KCNIP4: variants seen among roughly 807,000 people sequenced by gnomAD.
KCNIP4 encodes the protein potassium voltage-gated channel interacting protein 4.
Under a neutral mutation model 34.0 loss-of-function variants are expected in KCNIP4, and 12 were observed. The ratio of observed to expected loss-of-function variants is 0.35; its 90% CI spans 0.23 to 0.57. KCNIP4 has a LOEUF of 0.57. Ranked by LOEUF, KCNIP4 falls within the 20% of genes least tolerant of loss-of-function variation. The pLI is 0.83. For synonymous variants in KCNIP4, 124 were observed against 102.2 expected (o/e 1.21, Z -1.29); for missense variants, 238 against 311.7 (o/e 0.76, Z 1.78).
intron 1 of KCNIP4, among the ~76,000 whole-genome samples, chr4:21,401,485 C>T (rs1723555312): frequency 6.6e-6 from 1 of 152,162 alleles, no homozygotes; most frequent in Non-Finnish European, 1.5e-5. Context: ...GTTCAGAAAA[C>T]TCAGCAGCAA....
At chr4:21,571,307 T>A (rs947577270) in intron 1 of KCNIP4, among the ~76,000 whole-genome samples, 1 of 152,134 alleles carries the variant, frequency 6.6e-6, no homozygotes, top group African/African-American at 2.4e-5. Context: ...AGAGGGCGCA[T>A]CTGGGTGAGA....
chr4:21,131,256 G>A (rs1015646909), intron 1 of KCNIP4, among the ~76,000 whole-genome samples: 1 of 152,148 alleles, frequency 6.6e-6, no homozygotes, highest in Non-Finnish European at 1.5e-5. Flanking sequence ...CAATGATGTA[G>A]ATGAATAATA....
chr4:21,178,488 T>TGCTTC lies in KCNIP4; in HGVS notation c.62-295780_62-295779insGAAGC, dbSNP rs2109315597. ...TAGTGGATTCACAGACCTCAGTTTA[T>TGCTTC]TTCCAGGTATAGTAACCATGTGTCC... On this transcript the variant is annotated intron_variant, in intron 1 of 8. Transcript: ENST00000382152. 2.8e-3 allele frequency among the ~76,000 whole-genome samples: 422 copies of TGCTTC among 151,672 alleles called. 3 individuals carry two copies. The highest frequency in any genetic ancestry group is 9.6e-3 in the African/African-American group (395 of 40,968).
intron 1 of KCNIP4, among the ~76,000 whole-genome samples, chr4:20,883,986 G>A (rs1358820049): frequency 6.6e-6 from 1 of 152,112 alleles, no homozygotes; most frequent in Admixed American, 6.5e-5. Context: ...TGCTTTCTGG[G>A]CCATCCACTA....
At chr4:21,183,789 G>C (rs1755019063) in intron 1 of KCNIP4, among the ~76,000 whole-genome samples, 1 of 151,934 alleles carries the variant, frequency 6.6e-6, no homozygotes. Flanking sequence ...GGAACTTGCT[G>C]TTCCTTCTAC....
At chr4:21,792,000 C>CAAA (rs71193407) in intron 1 of KCNIP4, among the ~76,000 whole-genome samples, 7 of 59,752 alleles carry the variant, frequency 1.2e-4, no homozygotes, top group African/African-American at 5.3e-4. Context: ...GACTCCGTCT[C>CAAA]AAAAAAAAAA....
chr4:20,919,339 C>T (rs375871826), intron 1 of KCNIP4, among the ~76,000 whole-genome samples: 27 of 151,956 alleles, frequency 1.8e-4, no homozygotes, highest in African/African-American at 5.6e-4. Context: ...AGTCCTTGCT[C>T]GGCTGCCTTT....
chr4:21,372,271 A>C (rs1441829504), intron 1 of KCNIP4, among the ~76,000 whole-genome samples: 1 of 146,946 alleles, frequency 6.8e-6, no homozygotes, highest in Non-Finnish European at 1.5e-5. Flanking sequence ...ATTTATCTGA[A>C]AATTCCATTT....
intron 1 of KCNIP4, among the ~76,000 whole-genome samples, chr4:21,834,926 C>G (rs1293876670): frequency 6.6e-6 from 1 of 152,128 alleles, no homozygotes; most frequent in Non-Finnish European, 1.5e-5. Context: ...ACCAGCCTTG[C>G]ATCCCAGGGA....
chr4:21,404,619 G>A (rs916076403), intron 1 of KCNIP4, among the ~76,000 whole-genome samples: 1 of 152,018 alleles, frequency 6.6e-6, no homozygotes, highest in Non-Finnish European at 1.5e-5. Context: ...AATCTTCAAT[G>A]ATTTATTCAA....
At chr4:21,735,332 G>C (rs1017153958) in intron 1 of KCNIP4, among the ~76,000 whole-genome samples, 3 of 151,872 alleles carry the variant, frequency 2.0e-5, no homozygotes, top group African/African-American at 7.3e-5. Context: ...AAATTAAATT[G>C]GATGAAGTTA....
intron 1 of KCNIP4, among the ~76,000 whole-genome samples, chr4:21,062,508 T>A (rs1464226483): frequency 2.7e-5 from 4 of 149,840 alleles, no homozygotes; most frequent in Non-Finnish European, 5.9e-5. Flanking sequence ...ACAGAACCAA[T>A]CATATATGTA....
At chr4:21,216,584 T>C (rs574598509) in intron 1 of KCNIP4, among the ~76,000 whole-genome samples, 1 of 152,298 alleles carries the variant, frequency 6.6e-6, no homozygotes, top group South Asian at 2.1e-4. Context: ...AGAAAATTGA[T>C]AATCAGAATA....
At chr4:21,096,703 A>T (rs1747485358) in intron 1 of KCNIP4, among the ~76,000 whole-genome samples, 1 of 152,152 alleles carries the variant, frequency 6.6e-6, no homozygotes, top group South Asian at 2.1e-4. Flanking sequence ...TTCATTTACA[A>T]TATATATTTG....
intron 1 of KCNIP4, among the ~76,000 whole-genome samples, chr4:21,576,587 T>C (rs1440801753): frequency 1.3e-5 from 2 of 152,216 alleles, no homozygotes; most frequent in Middle Eastern, 3.2e-3. Flanking sequence ...AACTTGTTTA[T>C]GAAAATATAT....
intron 1 of KCNIP4, among the ~76,000 whole-genome samples, chr4:21,216,052 A>G (rs1358466512): frequency 6.6e-6 from 1 of 152,108 alleles, no homozygotes; most frequent in Admixed American, 6.5e-5. Flanking sequence ...CAGCCTCCCA[A>G]AGTGTTGGGA....
intron 1 of KCNIP4, among the ~76,000 whole-genome samples, chr4:20,963,173 A>T (rs1036351855): frequency 6.6e-6 from 1 of 151,924 alleles, no homozygotes; most frequent in Admixed American, 6.6e-5. Flanking sequence ...ATACAAAAAA[A>T]AAAATGAGCT....
intron 1 of KCNIP4, among the ~76,000 whole-genome samples, chr4:21,596,459 C>T (rs1312162569): frequency 1.3e-5 from 2 of 151,954 alleles, no homozygotes; most frequent in African/African-American, 2.4e-5. Flanking sequence ...ATCTCCATAA[C>T]CTGGAATAAA....
intron 1 of KCNIP4, among the ~76,000 whole-genome samples, chr4:21,749,717 G>A (rs937425519): frequency 2.0e-5 from 3 of 152,090 alleles, no homozygotes; most frequent in Non-Finnish European, 2.9e-5. Flanking sequence ...GTCACACTGA[G>A]GGTCAGGGCC....
Sources: gnomAD v4.1 joint callset for allele counts (sites outside exome capture counted in the v4.1 genomes callset) on GRCh38, gnomAD v4.1.1 for gene constraint, MANE v1.5 for transcripts, NCBI Gene and HGNC (gene_info 2026-07-23, HGNC 2026-07-21) for gene names.